CPA3: variants seen among roughly 807,000 people sequenced by gnomAD.
The protein encoded by CPA3 is carboxypeptidase A3, also known as mast cell carboxypeptidase A.
CPA3 carries 52 observed loss-of-function variants against 55.8 expected under a neutral mutation model. The ratio of observed to expected loss-of-function variants is 0.93; its 90% CI spans 0.75 to 1.17. The LOEUF is 1.17. CPA3 is among the 50% of genes most tolerant of loss of function. The pLI is 0.00. For synonymous variants in CPA3, 179 were observed against 171.2 expected, an observed-to-expected ratio of 1.05 and a Z score of -0.36; for missense variants, 547 against 509.1, an observed-to-expected ratio of 1.07 and a Z score of -0.72.
At chr3:148,877,178 G>A (rs1714231496) in intron 3 of CPA3, among the ~76,000 whole-genome samples, 2 of 152,248 alleles carry the variant, frequency 1.3e-5, no homozygotes, top group South Asian at 2.1e-4. Flanking sequence ...ATGATGACAT[G>A]AGATGGCTCA....
intron 5 of CPA3, 111 bp from the exon 6 acceptor site, chr3:148,879,677 A>G (rs1576582050): frequency 1.4e-6 from 1 of 717,344 alleles, no homozygotes; most frequent in Non-Finnish European, 2.5e-6. Context: ...GTTCTCATTC[A>G]ACAATAGACA....
intron 6 of CPA3, among the ~76,000 whole-genome samples, chr3:148,881,237 T>C (rs907465894): frequency 5.3e-5 from 8 of 152,182 alleles, no homozygotes; most frequent in Non-Finnish European, 1.0e-4. Flanking sequence ...TTCCAATCTT[T>C]CTATGAAACA....
At chr3:148,866,376 T>G (rs1246053064) in intron 2 of CPA3, among the ~76,000 whole-genome samples, 1 of 152,156 alleles carries the variant, frequency 6.6e-6, no homozygotes, top group African/African-American at 2.4e-5. Context: ...TCACTCTACC[T>G]CTTGCAAGGA....
At chr3:148,892,842 G>A (rs2108040664) in intron 10 of CPA3, among the ~76,000 whole-genome samples, 1 of 49,150 alleles carries the variant, frequency 2.0e-5, no homozygotes, top group Non-Finnish European at 5.3e-5. Flanking sequence ...GCCAGGTGTG[G>A]TGGCAGGCGC....
chr3:148,884,774 C>G (rs544960694), intron 9 of CPA3, among the ~76,000 whole-genome samples: 1 of 151,280 alleles, frequency 6.6e-6, no homozygotes, highest in Admixed American at 6.6e-5. Context: ...AATCTGAGGG[C>G]GTGAGTTCAA....
At position 148,866,420 on chromosome 3, in the gene CPA3, C is replaced by A. The variant is rs1354187008; in HGVS notation, c.144+872C>A. Among the ~76,000 whole-genome samples the A allele has an allele frequency of 2.6e-5, 4 of 152,238 alleles. No individual in the cohort carries two copies. The East Asian group carries it at 7.7e-4, about 29-fold the overall frequency. On this transcript the variant is annotated intron_variant, in intron 2 of 10. Coordinates refer to ENST00000296046, the MANE Select transcript of CPA3 (RefSeq NM_001870.4). ...ATAGTCCCTTAACTAGCAATCAGGGCTCTAGTCTTGACTCCCACAAAGCCA... is the reference window on the plus strand; with the variant it reads ...ATAGTCCCTTAACTAGCAATCAGGGATCTAGTCTTGACTCCCACAAAGCCA...
intron 3 of CPA3, among the ~76,000 whole-genome samples, chr3:148,877,074 C>G (rs1432099738): frequency 6.6e-6 from 1 of 152,184 alleles, no homozygotes; most frequent in Non-Finnish European, 1.5e-5. Flanking sequence ...GTGAAAACGT[C>G]ATGTAGGCAG....
intron 10 of CPA3, among the ~76,000 whole-genome samples, chr3:148,893,999 C>T (rs1369863929): frequency 6.6e-6 from 1 of 152,196 alleles, no homozygotes; most frequent in African/African-American, 2.4e-5. Context: ...GTGCCCCGCA[C>T]ACCTACTCTT....
chr3:148,870,618 A>G (rs1041993079), intron 3 of CPA3, among the ~76,000 whole-genome samples: 3 of 152,170 alleles, frequency 2.0e-5, no homozygotes, highest in Non-Finnish European at 2.9e-5. Flanking sequence ...TTGAAAATAT[A>G]TAATTCACGC....
intron 3 of CPA3, among the ~76,000 whole-genome samples, chr3:148,876,226 G>T (rs1161803678): frequency 1.3e-5 from 2 of 150,830 alleles, no homozygotes; most frequent in African/African-American, 2.4e-5. Context: ...ATAAATAGAT[G>T]ATCAAAATAC....
intron 10 of CPA3, 152 bp downstream of exon 10, chr3:148,886,329 T>A (rs889922509): frequency 1.6e-5 from 10 of 611,088 alleles, no homozygotes; most frequent in Non-Finnish European, 2.8e-5. Context: ...TATACGTGAA[T>A]CTAGGGGATA....
At position 148,896,617 on chromosome 3, in the gene CPA3, C is replaced by T. The variant is rs1335215644; in HGVS notation, c.1164C>T (p.Leu388=). 1.9e-6 allele frequency: 3 copies of T among 1,592,446 alleles called. No individual in the cohort carries two copies. Among genetic ancestry groups the T allele is most frequent in the African/African-American group, 1.3e-5 (1 of 74,672 alleles). ...GAGATAAAGGCAAATTTGGTTTTCT[C>T]CTTCCAGAATCCCGGATAAAGCCAA... ...ELRDKGKFGF[L]LPESRIKPTC... The change falls in exon 11 of 11, where the codon CTC becomes CTT. Residue 388 remains leucine, a synonymous_variant. Transcript: ENST00000296046.
intron 2 of CPA3, among the ~76,000 whole-genome samples, chr3:148,868,087 G>A (rs1208842764): frequency 2.6e-5 from 4 of 152,082 alleles, no homozygotes; most frequent in Non-Finnish European, 5.9e-5. Flanking sequence ...TAGAAGTGGG[G>A]TTTCTCCATG....
rs1019836722 is a variant in CPA3 at position 148,885,947 on chromosome 3, A to T, written c.982-146A>T. ...GTACTGTCCATCTCATAGGGTTGTT[A>T]TGAGTCTTGAAACTAAAGATCAAGG... is the stretch of plus-strand genomic sequence containing the variant. On this transcript the variant is annotated intron_variant, in intron 9 of 10. Coordinates refer to ENST00000296046, the MANE Select transcript of CPA3 (RefSeq NM_001870.4). The T allele has an allele frequency of 1.6e-5, 10 of 633,994 alleles. No homozygotes were observed. The East Asian group carries it at 2.9e-4, about 19-fold the overall frequency. The allele number at this position is 633,994 out of a possible 1,614,324, so 39.3% of individuals were successfully genotyped here. A position where few individuals can be genotyped will look rare whatever the true frequency, so the allele number is the denominator to read the frequency against.
intron 3 of CPA3, among the ~76,000 whole-genome samples, chr3:148,875,030 G>A (rs1445842019): frequency 6.6e-6 from 1 of 152,180 alleles, no homozygotes; most frequent in Admixed American, 6.5e-5. Flanking sequence ...CTGAGGTTCA[G>A]AGGGTAACTA....
chr3:148,886,250 A>T, intron 10 of CPA3, 73 bp downstream of exon 10: 12 of 1,108,136 alleles, frequency 1.1e-5, no homozygotes, highest in Non-Finnish European at 1.6e-5. Context: ...AAATTATGGA[A>T]TTTGCAATTT....
At chr3:148,866,786 C>T (rs1463632633) in intron 2 of CPA3, among the ~76,000 whole-genome samples, 1 of 152,110 alleles carries the variant, frequency 6.6e-6, no homozygotes, top group African/African-American at 2.4e-5. Flanking sequence ...TGTTTTGAGA[C>T]AGAGTCTCAC....
At chr3:148,893,598 C>A (rs1714735140) in intron 10 of CPA3, among the ~76,000 whole-genome samples, 1 of 152,032 alleles carries the variant, frequency 6.6e-6, no homozygotes, top group Non-Finnish European at 1.5e-5. Context: ...GGAACAGGAG[C>A]TGGAAAAAAA....
At chr3:148,876,964 A>G (rs2108032588) in intron 3 of CPA3, among the ~76,000 whole-genome samples, 1 of 152,316 alleles carries the variant, frequency 6.6e-6, no homozygotes, top group South Asian at 2.1e-4. Flanking sequence ...CTGAGCACTA[A>G]CTTCCCCATC....
Sources: gnomAD v4.1 joint callset for allele counts (sites outside exome capture counted in the v4.1 genomes callset) on GRCh38, gnomAD v4.1.1 for gene constraint, MANE v1.5 for transcripts, NCBI Gene and HGNC (gene_info 2026-07-23, HGNC 2026-07-21) for gene names.